Variants in NYNRIN observed in about 807,000 individuals in gnomAD.
NYNRIN encodes NYN domain and retroviral integrase containing.
NYNRIN carries 86 observed loss-of-function variants against 146.6 expected under a neutral mutation model. The ratio of observed to expected loss-of-function variants is 0.59; its 90% CI spans 0.49 to 0.70. The LOEUF is 0.70. Ranked by LOEUF, NYNRIN falls within the 30% of genes least tolerant of loss-of-function variation. The pLI is 0.00. For missense variants in NYNRIN, 2,191 were observed against 2,377.7 expected (o/e 0.92, Z 1.63); for synonymous variants, 1,027 against 1,001.3 (o/e 1.03, Z -0.48).
Position 24,418,290 on chromosome 14 carries a change from C to G in NYNRIN, c.*844C>G. On this transcript the variant is annotated 3_prime_UTR_variant, in exon 9 of 9. Coordinates refer to ENST00000382554, the MANE Select transcript of NYNRIN (RefSeq NM_025081.3). ...CTGCTTCTGTTAGACCCAGGGGCCCCGGCCTCTGTTTTAAGGGGGCAGGGC... is the reference window on the plus strand; with the variant it reads ...CTGCTTCTGTTAGACCCAGGGGCCCGGGCCTCTGTTTTAAGGGGGCAGGGC... The G allele has an allele frequency of 2.2e-6, 1 of 456,304 alleles. No homozygotes were observed. Among genetic ancestry groups the G allele is most frequent in the South Asian group, 1.5e-5 (1 of 64,544 alleles). 28.3% of individuals were successfully genotyped at this position (456,304 alleles called of 1,614,324 possible).
Position 24,417,099 on chromosome 14 carries a change from C to G in NYNRIN, c.5350C>G (p.Leu1784Val). Residue 1784 changes from leucine (L) to valine (V), a missense_variant, in exon 9 of 9, where the codon CTC becomes GTC. By Grantham distance (32) the Leu-to-Val change is conservative. This residue lies in a region of NYNRIN where 1,291 missense variants were observed against 1,417.0 expected (regional missense o/e 0.91). Transcript: ENST00000382554. ...GATGAGCAGCGCAAACATTGAAGGG[C>G]TCAAGATGGACGTCTTCCTGCTACA... ...WEMSSANIEGLKMDVFLLQLV... is the reference protein window; with the variant it reads ...WEMSSANIEGVKMDVFLLQLV... 6.2e-7 allele frequency: 1 copy of G among 1,613,680 alleles called. No individual in the cohort carries two copies. The highest frequency in any genetic ancestry group is 8.5e-7 in the Non-Finnish European group (1 of 1,179,700).
rs2042919927 is a variant in NYNRIN, at chr14:24,412,748, TG to T, written c.2643-248del. Reference sequence around the variant, plus strand: ...TGTGCCTATGCGTATAACAGGGGTGTGTGTTTGTATATACAGCTGGGAATGC... The same window carrying T: ...TGTGCCTATGCGTATAACAGGGGTGTTGTTTGTATATACAGCTGGGAATGC... On this transcript the variant is annotated intron_variant, in intron 6 of 8. Coordinates refer to ENST00000382554, the MANE Select transcript of NYNRIN (RefSeq NM_025081.3). 1.8e-5 allele frequency: 7 copies of T among 389,688 alleles called. No individual in the cohort carries two copies. The South Asian group carries it at 1.9e-4, about 11-fold the overall frequency. The allele number at this position is 389,688 out of a possible 1,614,324, so 24.1% of individuals were successfully genotyped here.
chr14:24,409,962 A>C lies in NYNRIN; in HGVS notation c.2168A>C (p.Gln723Pro). The C allele has an allele frequency of 6.2e-7, 1 of 1,613,758 alleles. No individual in the cohort carries two copies. Among genetic ancestry groups the C allele is most frequent in the Non-Finnish European group, 8.5e-7 (1 of 1,179,766 alleles). Residue 723 changes from glutamine (Q) to proline (P), a missense_variant, in exon 4 of 9, where the codon CAG (glutamine) becomes CCG (proline). By Grantham distance (76) the Gln-to-Pro change is moderately conservative. Transcript: ENST00000382554. ...AAGGGCCAGGGGCAGGCTGGAAGGC[A>C]GGGTCCCCAGTCCAGTGGCACCTTG... is the stretch of plus-strand genomic sequence containing the variant. ...LLKGQGQAGRQGPQSSGTLAL... is the reference protein window; with the variant it reads ...LLKGQGQAGRPGPQSSGTLAL...
At chr14:24,412,333 T>C (rs1225909355) in intron 6 of NYNRIN, among the ~76,000 whole-genome samples, 1 of 152,222 alleles carries the variant, frequency 6.6e-6, no homozygotes, top group Non-Finnish European at 1.5e-5. Flanking sequence ...GGAGCCCGAA[T>C]GGAAAGTTTC....
At position 24,415,603 on chromosome 14, in the gene NYNRIN, T is replaced by C; in HGVS notation, c.3854T>C (p.Leu1285Pro). ...LQGLLGENRL[L>P]TPAASMPRFF... ...GGCCTGCTGGGGGAGAACCGCCTGC[T>C]CACCCCCGCGGCCTCCATGCCTCGC... is the stretch of plus-strand genomic sequence containing the variant. The change falls in exon 9 of 9, where the codon CTC (leucine) becomes CCC (proline). Residue 1285 changes from leucine to proline, a missense_variant. By Grantham distance (98) the Leu-to-Pro change is moderately conservative. Around this residue, in one of 3 missense-constraint regions of NYNRIN, gnomAD observed 1,291 missense variants for 1,417.0 expected, o/e 0.91. Coordinates refer to ENST00000382554, the MANE Select transcript of NYNRIN (RefSeq NM_025081.3). 1 of 1,613,962 alleles carries C rather than the reference T, an allele frequency of 6.2e-7. No homozygotes were observed. The highest frequency in any genetic ancestry group is 8.5e-7 in the Non-Finnish European group (1 of 1,179,876).
rs2042961282 is a variant in NYNRIN at position 24,418,154 on chromosome 14, A to G, written c.*708A>G. The G allele has an allele frequency of 7.2e-6, 3 of 416,748 alleles. No homozygotes were observed. Among genetic ancestry groups the G allele is most frequent in the South Asian group, 5.2e-5 (3 of 58,014 alleles). 25.8% of individuals were successfully genotyped at this position (416,748 alleles called of 1,614,324 possible). A position where few individuals can be genotyped will look rare whatever the true frequency, so the allele number is the denominator to read the frequency against. Reference sequence around the variant, plus strand: ...GGGCAAGGGGGAAATGGGTTGGCCTACCTCATTTGACTCCAGCCAATGGAG... The same window carrying G: ...GGGCAAGGGGGAAATGGGTTGGCCTGCCTCATTTGACTCCAGCCAATGGAG... On this transcript the variant is annotated 3_prime_UTR_variant, in exon 9 of 9. Coordinates refer to ENST00000382554, the MANE Select transcript of NYNRIN (RefSeq NM_025081.3).
Position 24,410,831 on chromosome 14 carries a change from A to G in NYNRIN, c.2415-245A>G, listed in dbSNP as rs12587795. ...GGCTGCCTTCTTCCTCTTGCCCTCA[A>G]TGTCCCTACACACATGCGTACACAC... On this transcript the variant is annotated intron_variant, in intron 4 of 8. Transcript: ENST00000382554. Among the ~76,000 whole-genome samples the G allele has an allele frequency of 0.21, 31,871 of 151,994 alleles. 3,619 individuals carry two copies. The highest frequency in any genetic ancestry group is 0.35 in the Admixed American group (5,314 of 15,290).
intron 1 of NYNRIN, 22 bp from the exon 2 acceptor site, chr14:24,399,208 A>T: frequency 6.2e-7 from 1 of 1,600,912 alleles, no homozygotes; most frequent in Non-Finnish European, 8.5e-7. Flanking sequence ...CCCGGGTGAC[A>T]CTATCGTCTC....
intron 8 of NYNRIN, among the ~76,000 whole-genome samples, chr14:24,413,690 G>C (rs929824394): frequency 3.3e-5 from 5 of 152,134 alleles, no homozygotes; most frequent in African/African-American, 1.2e-4. Context: ...AGTTTTTTCA[G>C]ATGTATCCTA....
In NYNRIN at chr14:24,416,846, C is replaced by T. The variant is rs1473761534; in HGVS notation, c.5097C>T (p.Ala1699=). Residue 1699 remains alanine, a synonymous_variant, in exon 9 of 9, where the codon GCC becomes GCT. Coordinates refer to ENST00000382554, the MANE Select transcript of NYNRIN (RefSeq NM_025081.3). ...TGAGCTGTGGGCTGGCCCTGGGAGC[C>T]CAGGTGGCCTCCCTGAGTCGGGACC... ...VLVSCGLALG[A]QVASLSRDLQ... is the part of the protein sequence containing the mutation. 4.4e-6 allele frequency: 7 copies of T among 1,609,056 alleles called. No homozygotes were observed. The highest frequency in any genetic ancestry group is 5.9e-6 in the Non-Finnish European group (7 of 1,176,954).
intron 2 of NYNRIN, among the ~76,000 whole-genome samples, chr14:24,401,471 G>T (rs2042843176): frequency 6.6e-6 from 1 of 152,144 alleles, no homozygotes; most frequent in Non-Finnish European, 1.5e-5. Context: ...CAGGGGTTAG[G>T]GGATCTGGGT....
Position 24,415,928 on chromosome 14 carries a change from G to A in NYNRIN, c.4179G>A (p.Arg1393=), listed in dbSNP as rs920609696. 1.2e-6 allele frequency: 2 copies of A among 1,613,774 alleles called. No individual in the cohort carries two copies. The highest frequency in any genetic ancestry group is 1.3e-5 in the African/African-American group (1 of 74,922). Residue 1393 remains arginine (R), a synonymous_variant, in exon 9 of 9, where the codon AGG becomes AGA. Transcript: ENST00000382554. ...SLLWELLPLW[R]ARGFLSSDGA... ...TGTGGGAGCTCCTGCCCCTCTGGAGGGCTCGGGGCTTCCTCTCCTCTGATG... is the reference window on the plus strand; with the variant it reads ...TGTGGGAGCTCCTGCCCCTCTGGAGAGCTCGGGGCTTCCTCTCCTCTGATG...
In NYNRIN at chr14:24,417,416, C is replaced by G. The variant is rs972367444; in HGVS notation, c.5667C>G (p.Thr1889=). The change falls in exon 9 of 9, where the codon ACC becomes ACG. Residue 1889 remains threonine, a synonymous_variant. Coordinates refer to ENST00000382554, the MANE Select transcript of NYNRIN (RefSeq NM_025081.3). The stretch of plus-strand genomic sequence containing the variant: ...TGAAGGCCTTTGCCAAGAGTGGCAC[C>G]CCGCTGTCCTTCAAGGTCTTGGAGC... ...SLMKAFAKSG[T]PLSFKVLEQ The G allele has an allele frequency of 2.0e-6, 3 of 1,529,796 alleles. No homozygotes were observed. Among genetic ancestry groups the G allele is most frequent in the Non-Finnish European group, 2.6e-6 (3 of 1,136,086 alleles). The allele number at this position is 1,529,796 out of a possible 1,614,324, so 94.8% of individuals were successfully genotyped here. A position where few individuals can be genotyped will look rare whatever the true frequency, so the allele number is the denominator to read the frequency against.
chr14:24,399,661 C>CTTT (rs1433635527), intron 2 of NYNRIN, among the ~76,000 whole-genome samples: 3 of 152,134 alleles, frequency 2.0e-5, no homozygotes, highest in African/African-American at 7.2e-5. Context: ...CCTTTCCTGC[C>CTTT]CCACCCCTTC....
Position 24,415,341 on chromosome 14 carries a change from G to A in NYNRIN, c.3592G>A (p.Glu1198Lys). 1 of 1,613,950 alleles carries A rather than the reference G, an allele frequency of 6.2e-7. No individual in the cohort carries two copies. The highest frequency in any genetic ancestry group is 8.5e-7 in the Non-Finnish European group (1 of 1,179,864). ...YTSKPLLPDE[E>K]SQGPQSGGDS... Reference sequence around the variant, plus strand: ...CTCAAAACCCCTCCTCCCTGATGAGGAGAGCCAGGGCCCCCAGTCAGGGGG... The same window carrying A: ...CTCAAAACCCCTCCTCCCTGATGAGAAGAGCCAGGGCCCCCAGTCAGGGGG... Residue 1198 changes from glutamate (E) to lysine (K), a missense_variant, in exon 9 of 9, where the codon GAG (glutamate) becomes AAG (lysine). Glu to Lys is a moderately conservative substitution (Grantham distance 56). This residue lies in a region of NYNRIN where 1,291 missense variants were observed against 1,417.0 expected (regional missense o/e 0.91). Transcript: ENST00000382554.
In NYNRIN at chr14:24,417,419, G is replaced by A. The variant is rs369971400; in HGVS notation, c.5670G>A (p.Pro1890=). ...AGGCCTTTGCCAAGAGTGGCACCCC[G>A]CTGTCCTTCAAGGTCTTGGAGCAGT... The part of the protein sequence containing the change: ...LMKAFAKSGT[P]LSFKVLEQ Residue 1890 remains proline, a synonymous_variant, in exon 9 of 9, where the codon CCG becomes CCA. Coordinates refer to ENST00000382554, the MANE Select transcript of NYNRIN (RefSeq NM_025081.3). The A allele has an allele frequency of 2.4e-5, 36 of 1,525,528 alleles. No homozygotes were observed. Among genetic ancestry groups the A allele is most frequent in the Admixed American group, 2.3e-4 (11 of 48,880 alleles). The allele number at this position is 1,525,528 out of a possible 1,614,324, so 94.5% of individuals were successfully genotyped here. A position where few individuals can be genotyped will look rare whatever the true frequency, so the allele number is the denominator to read the frequency against.
chr14:24,416,337 A>C lies in NYNRIN; in HGVS notation c.4588A>C (p.Lys1530Gln), dbSNP rs753683004. ...SGLLMFKGDK[K>Q]PRVWVVPTQL... is the part of the protein sequence containing the mutation. The stretch of plus-strand genomic sequence containing the variant: ...CCTGCTTATGTTCAAGGGAGATAAG[A>C]AGCCCAGGGTCTGGGTAGTCCCGAC... Residue 1530 changes from lysine (K) to glutamine (Q), a missense_variant, in exon 9 of 9, where the codon AAG (lysine) becomes CAG (glutamine). This residue lies in a region of NYNRIN where 1,291 missense variants were observed against 1,417.0 expected (regional missense o/e 0.91). Coordinates refer to ENST00000382554, the MANE Select transcript of NYNRIN (RefSeq NM_025081.3). The C allele has an allele frequency of 6.2e-7, 1 of 1,613,626 alleles. No homozygotes were observed. The highest frequency in any genetic ancestry group is 1.7e-5 in the Admixed American group (1 of 59,976).
rs750686170 is a variant in NYNRIN at position 24,418,413 on chromosome 14, TAC to T, written c.*968_*969del. ...AAAGCCTACAGTCCTCTGCTCCTTC[TAC>T]CTCCACTGTATCCTGCATCCCAGAC... is the stretch of plus-strand genomic sequence containing the variant. On this transcript the variant is annotated 3_prime_UTR_variant, in exon 9 of 9. Coordinates refer to ENST00000382554, the MANE Select transcript of NYNRIN (RefSeq NM_025081.3). 14 of 380,922 alleles carry T rather than the reference TAC, an allele frequency of 3.7e-5. No homozygotes were observed. Among genetic ancestry groups the T allele is most frequent in the Non-Finnish European group, 6.2e-5 (12 of 192,754 alleles). 23.6% of individuals were successfully genotyped at this position (380,922 alleles called of 1,614,324 possible).
Position 24,418,745 on chromosome 14 carries a change from T to C in NYNRIN, c.*1299T>C, listed in dbSNP as rs45507794. On this transcript the variant is annotated 3_prime_UTR_variant, in exon 9 of 9. Transcript: ENST00000382554. ...GCCCAGGTTGCCAGAACGCTTGGCA[T>C]TGCAGAGTGCTAGAGCCAGTGGAGA... 1 of 158,286 alleles carries C rather than the reference T, an allele frequency of 6.3e-6. No individual in the cohort carries two copies. Among genetic ancestry groups the C allele is most frequent in the Non-Finnish European group, 1.4e-5 (1 of 71,536 alleles). The allele number at this position is 158,286 out of a possible 1,614,324, so 9.8% of individuals were successfully genotyped here.
Sources: gnomAD v4.1 joint callset for allele counts (sites outside exome capture counted in the v4.1 genomes callset) on GRCh38, gnomAD v4.1.1 for gene constraint, gnomAD v4.1.1 regional missense constraint, MANE v1.5 for transcripts, NCBI Gene and HGNC (gene_info 2026-07-23, HGNC 2026-07-21) for gene names.